The following FANK1 variants were observed in gnomAD, a reference collection of about 807,000 sequenced individuals.
FANK1 encodes the protein fibronectin type III and ankyrin repeat domains 1, also known as fibronectin type 3 and ankyrin repeat domains protein 1.
A neutral mutation model predicts 45.3 loss-of-function variants in FANK1; 44 were observed. The ratio of observed to expected loss-of-function variants is 0.97; its 90% CI spans 0.76 to 1.25. The LOEUF (loss-of-function observed/expected upper bound fraction) is 1.25, where lower values mean the gene tolerates loss of function less well. Ranked by LOEUF, FANK1 falls within the 50% of genes most tolerant of loss-of-function variation. The pLI is 0.00. For missense variants in FANK1, 391 were observed against 424.4 expected (o/e 0.92, Z 0.69); for synonymous variants, 149 against 152.5 (o/e 0.98, Z 0.17).
chr10:125,980,306 C>A lies in FANK1; in HGVS notation c.159C>A (p.Asp53Glu). ...TCAGGTTCTCGATTGAAGAAGAAGA[C>A]CCCAAAATGCACACTTATGGTATCA... ...QWFRFSIEEE[D>E]PKMHTYGIIY... Residue 53 changes from aspartate (D) to glutamate (E), a missense_variant, in exon 2 of 11, where the codon GAC becomes GAA. Coordinates refer to ENST00000368693, the MANE Select transcript of FANK1 (RefSeq NM_145235.5). 6.2e-7 allele frequency: 1 copy of A among 1,614,094 alleles called. No homozygotes were observed. The highest frequency in any genetic ancestry group is 1.1e-5 in the South Asian group (1 of 91,050).
intron 3 of FANK1, 115 bp downstream of exon 3, chr10:125,988,790 T>A (rs777401840): frequency 3.7e-5 from 56 of 1,497,522 alleles, no homozygotes; most frequent in Middle Eastern, 1.7e-4. Context: ...AATGATACAA[T>A]TTTTAAACAC....
chr10:125,986,485 T>C (rs1192123077), intron 2 of FANK1, among the ~76,000 whole-genome samples: 3 of 152,226 alleles, frequency 2.0e-5, no homozygotes, highest in Non-Finnish European at 4.4e-5. Flanking sequence ...GTTAGAATTA[T>C]GATGTTAGAG....
At chr10:125,989,297 A>G (rs1191269072) in intron 3 of FANK1, 2 of 1,550,650 alleles carry the variant, frequency 1.3e-6, no homozygotes, top group Non-Finnish European at 1.7e-6. Context: ...TCTGAGCAAG[A>G]GCCTTGTAAA....
rs764365133 is a variant in FANK1, at chr10:125,988,541, T to C, written c.192-10T>C. The C allele has an allele frequency of 1.9e-6, 3 of 1,612,872 alleles. No individual in the cohort carries two copies. Among genetic ancestry groups the C allele is most frequent in the African/African-American group, 2.7e-5 (2 of 74,918 alleles). ...TGGTGTTATCAGCATGTTTGTCTCC[T>C]CCTGTCTAGGGGATATGCAACGAAG... On this transcript the variant is annotated splice_polypyrimidine_tract_variant and intron_variant, in intron 2 of 10. Transcript: ENST00000368693.
At position 125,957,336 on chromosome 10, in the gene FANK1, C is replaced by T. The variant is rs561309925; in HGVS notation, c.14-22825C>T. ...AAAACGTTGTTATTTTTGTTGTAGGCAGACAACATATTTTATATTTACCCA... is the reference window on the plus strand; with the variant it reads ...AAAACGTTGTTATTTTTGTTGTAGGTAGACAACATATTTTATATTTACCCA... On this transcript the variant is annotated intron_variant, in intron 1 of 10. Transcript: ENST00000368693. Among the ~76,000 whole-genome samples, 10 of 152,112 alleles carry T rather than the reference C, an allele frequency of 6.6e-5. No individual in the cohort carries two copies. The East Asian group carries it at 1.5e-3, about 24-fold the overall frequency.
In FANK1 at chr10:125,902,462, C is replaced by T. The variant is rs61871959; in HGVS notation, c.13+5807C>T. ...ATTTCCTTAAGAGTGTTGTGGTGTA[C>T]TTAAAAAAAGAAAGCCATTTTATTC... On this transcript the variant is annotated intron_variant, in intron 1 of 10. Coordinates refer to ENST00000368693, the MANE Select transcript of FANK1 (RefSeq NM_145235.5). Among the ~76,000 whole-genome samples the T allele has an allele frequency of 8.2e-5, 12 of 146,596 alleles. No individual in the cohort carries two copies. In the South Asian group the frequency reaches 2.7e-3, roughly 33 times the overall value.
rs1950016617 is a variant in FANK1, at chr10:125,963,018, T to TCTGTCGCCCAGGCTGGAGTG, written c.14-17141_14-17122dup. The stretch of plus-strand genomic sequence containing the variant: ...TTTTTTTTTTCAGATGGAGTCTCGC[T>TCTGTCGCCCAGGCTGGAGTG]CTGTCGCCCAGGCTGGAGTGCAGTG... On this transcript the variant is annotated intron_variant, in intron 1 of 10. Transcript: ENST00000368693. 7.3e-5 allele frequency among the ~76,000 whole-genome samples: 11 copies of TCTGTCGCCCAGGCTGGAGTG among 149,800 alleles called. 1 individual carries two copies. In the South Asian group the frequency reaches 2.3e-3, roughly 31 times the overall value.
chr10:125,964,209 T>TTC lies in FANK1; in HGVS notation c.14-15951_14-15950insCT, dbSNP rs1590071460. 2.8e-5 allele frequency among the ~76,000 whole-genome samples: 4 copies of TTC among 143,054 alleles called. No homozygotes were observed. In the East Asian group the frequency reaches 8.6e-4, roughly 31 times the overall value. 93.8% of individuals were successfully genotyped at this position (143,054 alleles called of 152,430 possible). On this transcript the variant is annotated intron_variant, in intron 1 of 10. Transcript: ENST00000368693. ...CTCTTTTTTTTTTTTTTTTTTTTTT[T>TTC]TGAGATGGAGTCATGCTCCGTCACC... is the stretch of plus-strand genomic sequence containing the variant.
At chr10:125,952,143 G>T (rs1949275788) in intron 1 of FANK1, among the ~76,000 whole-genome samples, 1 of 151,928 alleles carries the variant, frequency 6.6e-6, no homozygotes, top group South Asian at 2.1e-4. Context: ...AATATTTGGT[G>T]TTTGTGTCCT....
At chr10:125,992,614 T>C (rs1952024144) in intron 3 of FANK1, among the ~76,000 whole-genome samples, 1 of 152,176 alleles carries the variant, frequency 6.6e-6, no homozygotes, top group Non-Finnish European at 1.5e-5. Context: ...TGGTCTTTGC[T>C]ACAAACGGTC....
chr10:125,982,882 G>A (rs193210314), intron 2 of FANK1, among the ~76,000 whole-genome samples: 1 of 150,394 alleles, frequency 6.6e-6, no homozygotes, highest in East Asian at 1.9e-4. Context: ...CACCTGCCCA[G>A]TGTATTTTCT....
chr10:125,951,172 A>T (rs1163852532), intron 1 of FANK1, among the ~76,000 whole-genome samples: 1 of 151,196 alleles, frequency 6.6e-6, no homozygotes, highest in Non-Finnish European at 1.5e-5. Flanking sequence ...GCAGCGCACC[A>T]GCATGGCACA....
intron 1 of FANK1, among the ~76,000 whole-genome samples, chr10:125,959,070 A>G (rs759148034): frequency 6.6e-6 from 1 of 152,200 alleles, no homozygotes; most frequent in Non-Finnish European, 1.5e-5. Context: ...AACTATTTAC[A>G]ATGTTCTTCG....
At chr10:125,911,077 A>T (rs190051773) in intron 1 of FANK1, among the ~76,000 whole-genome samples, 374 of 151,774 alleles carry the variant, frequency 2.5e-3, no homozygotes, top group Non-Finnish European at 4.3e-3. Context: ...CCCTGAATCT[A>T]GGAGTATATT....
At chr10:125,951,236 T>TAA (rs71029275) in intron 1 of FANK1, among the ~76,000 whole-genome samples, 2 of 131,600 alleles carry the variant, frequency 1.5e-5, no homozygotes, top group South Asian at 2.4e-4. Context: ...ACTTAAAGTA[T>TAA]AAAAAAAAAA....
intron 1 of FANK1, among the ~76,000 whole-genome samples, chr10:125,942,582 TTAAC>T (rs1455396355): frequency 7.9e-5 from 12 of 152,080 alleles, no homozygotes; most frequent in Non-Finnish European, 1.8e-4. Flanking sequence ...AAAGCTAACA[TTAAC>T]TAAAAACAAG....
At chr10:125,950,410 T>G (rs28755005) in intron 1 of FANK1, among the ~76,000 whole-genome samples, 1 of 145,270 alleles carries the variant, frequency 6.9e-6, no homozygotes, top group Non-Finnish European at 1.5e-5. Flanking sequence ...GAACTCAAAC[T>G]AATTTACAAG....
intron 1 of FANK1, among the ~76,000 whole-genome samples, chr10:125,949,527 G>T (rs1479577353): frequency 6.6e-6 from 1 of 151,838 alleles, no homozygotes; most frequent in Non-Finnish European, 1.5e-5. Flanking sequence ...GCTTCAAAGA[G>T]AATAAAATAC....
chr10:125,935,094 A>G (rs905461615), intron 1 of FANK1, among the ~76,000 whole-genome samples: 3 of 151,852 alleles, frequency 2.0e-5, no homozygotes, highest in Non-Finnish European at 4.4e-5. Flanking sequence ...TTCTCCAGAC[A>G]TCTCCTCCTA....
Sources: allele counts gnomAD v4.1 joint callset (sites outside exome capture counted in the v4.1 genomes callset), GRCh38; gene constraint gnomAD v4.1.1; transcripts MANE v1.5; gene names NCBI Gene and HGNC (gene_info 2026-07-23, HGNC 2026-07-21).